GNL3: variants seen among roughly 807,000 people sequenced by gnomAD.
The protein encoded by GNL3 is G protein nucleolar 3, also known as guanine nucleotide-binding protein-like 3.
A neutral mutation model predicts 70.6 loss-of-function variants in GNL3; 77 were observed. That is an observed-to-expected ratio of 1.09 (90% CI 0.91 to 1.32). GNL3 has a LOEUF of 1.32. Ranked by LOEUF, GNL3 falls within the 40% of genes most tolerant of loss-of-function variation. The pLI, the probability that GNL3 is intolerant of heterozygous loss-of-function variation, is 0.00. For synonymous variants in GNL3, 252 were observed against 216.1 expected (o/e 1.17, Z -1.46); for missense variants, 634 against 644.0 (o/e 0.98, Z 0.17).
chr3:52,686,118 G>C lies in GNL3; in HGVS notation c.13+13G>C. 6.4e-7 allele frequency: 1 copy of C among 1,573,792 alleles called. No individual in the cohort carries two copies. The highest frequency in any genetic ancestry group is 8.7e-7 in the Non-Finnish European group (1 of 1,144,178). Reference sequence around the variant, plus strand: ...ATGAAAAGGCCTAGTAAGTGGGGTCGGGAGGCGGGCGTGGAGGGACCCACG... The same window carrying C: ...ATGAAAAGGCCTAGTAAGTGGGGTCCGGAGGCGGGCGTGGAGGGACCCACG... On this transcript the variant is annotated intron_variant, in intron 1 of 14. Transcript: ENST00000418458.
At chr3:52,689,708 C>G (rs1187360197) in intron 6 of GNL3, among the ~76,000 whole-genome samples, 2 of 152,154 alleles carry the variant, frequency 1.3e-5, no homozygotes, top group African/African-American at 4.8e-5. Context: ...CAATTGGCTG[C>G]TTGGGAGGCT....
chr3:52,686,610 G>A (rs2097313563), intron 1 of GNL3, among the ~76,000 whole-genome samples, 159 bp from the exon 2 acceptor site: 1 of 152,166 alleles, frequency 6.6e-6, no homozygotes, highest in Admixed American at 6.5e-5. Context: ...TTAATTCTCT[G>A]GGATTTGAAA....
intron 9 of GNL3, 30 bp from the exon 10 acceptor site, chr3:52,692,842 C>A: frequency 6.4e-7 from 1 of 1,572,838 alleles, no homozygotes; most frequent in Non-Finnish European, 8.7e-7. Flanking sequence ...TAGACCAATG[C>A]CCCCATCAAT....
chr3:52,686,023 A>G (rs2097307856), upstream of GNL3: 7 of 814,134 alleles, frequency 8.6e-6, no homozygotes, highest in Non-Finnish European at 1.6e-5. Flanking sequence ...GACGCTCGTC[A>G]GTGGCTTCAG....
chr3:52,686,973 T>C, intron 2 of GNL3, 146 bp downstream of exon 2: 3 of 652,592 alleles, frequency 4.6e-6, no homozygotes, highest in East Asian at 5.4e-5. Flanking sequence ...CTCTTAGGCA[T>C]CAGGAGTGCA....
chr3:52,687,695 C>A, intron 4 of GNL3, 80 bp downstream of exon 4: 1 of 794,742 alleles, frequency 1.3e-6, no homozygotes, highest in Non-Finnish European at 2.1e-6. Flanking sequence ...TGCAGTGGCA[C>A]AATCACAACT....
chr3:52,692,046 G>A lies in GNL3; in HGVS notation c.869+417G>A, dbSNP rs185173529. Among the ~76,000 whole-genome samples, 18 of 152,298 alleles carry A rather than the reference G, an allele frequency of 1.2e-4. No individual in the cohort carries two copies. In the East Asian group the frequency reaches 3.3e-3, roughly 28 times the overall value. On this transcript the variant is annotated intron_variant, in intron 9 of 14. Coordinates refer to ENST00000418458, the MANE Select transcript of GNL3 (RefSeq NM_014366.5). ...TTGGTGAAAGCAGAGATTTAAGCCA[G>A]TGCTAGAACTGATTGGAGTGGGACA... is the stretch of plus-strand genomic sequence containing the variant.
intron 10 of GNL3, 34 bp downstream of exon 10, chr3:52,693,080 C>A: frequency 6.2e-7 from 1 of 1,607,986 alleles, no homozygotes; most frequent in Non-Finnish European, 8.5e-7. Flanking sequence ...CTCCTTGGAG[C>A]CATCTTCTTT....
Position 52,694,050 on chromosome 3 carries a change from G to GC in GNL3, c.1515dup (p.Met506HisfsTer13), listed in dbSNP as rs2097330172. The GC allele has an allele frequency of 2.5e-6, 4 of 1,613,638 alleles. No homozygotes were observed. The highest frequency in any genetic ancestry group is 3.4e-6 in the Non-Finnish European group (4 of 1,179,640). On this transcript the variant is annotated frameshift_variant, in exon 14 of 15. Coordinates refer to ENST00000418458, the MANE Select transcript of GNL3 (RefSeq NM_014366.5). LOFTEE classifies it high-confidence loss of function. ...TTTGTCACACAGGAAAACAGCTCAG[G>GC]CATGTTTGCTGCAGAAGAGACAGGG...
chr3:52,687,863 T>C, intron 4 of GNL3: 1 of 590,828 alleles, frequency 1.7e-6, no homozygotes, highest in Non-Finnish European at 3.0e-6. Flanking sequence ...TCCACCCAAC[T>C]CAGCCTCCCG....
In GNL3 at chr3:52,694,193, G is replaced by A. The variant is rs372892498; in HGVS notation, c.1568G>A (p.Gly523Asp). 1.9e-6 allele frequency: 3 copies of A among 1,600,990 alleles called. No individual in the cohort carries two copies. The highest frequency in any genetic ancestry group is 1.3e-5 in the African/African-American group (1 of 74,640). The change falls in exon 15 of 15, where the codon GGT becomes GAT. Residue 523 changes from glycine (G) to aspartate (D), a missense_variant and splice_region_variant. Coordinates refer to ENST00000418458, the MANE Select transcript of GNL3 (RefSeq NM_014366.5). ...GEALSEETTA[G>D]EQSTRSFILD... ...ATCTCTTTATTTTCCTGCAATATAG[G>A]TGAACAGTCTACAAGGTCTTTTATC... is the stretch of plus-strand genomic sequence containing the variant.
chr3:52,692,764 TCTGA>T (rs747822562), intron 9 of GNL3, 104 bp from the exon 10 acceptor site: 9 of 825,934 alleles, frequency 1.1e-5, no homozygotes, highest in Admixed American at 3.4e-5. Flanking sequence ...ATAAACTGGA[TCTGA>T]CTGACTGTGC....
In GNL3 at chr3:52,689,056, T is replaced by C. The variant is rs765302344; in HGVS notation, c.409-18T>C. On this transcript the variant is annotated intron_variant, in intron 5 of 14. Coordinates refer to ENST00000418458, the MANE Select transcript of GNL3 (RefSeq NM_014366.5). ...TTTCTCCTTGATAATGTAGTTCTGG[T>C]CATTTTTTCCTTGATAGGTGATTGA... 7 of 1,608,220 alleles carry C rather than the reference T, an allele frequency of 4.4e-6. No homozygotes were observed. Among genetic ancestry groups the C allele is most frequent in the Non-Finnish European group, 6.0e-6 (7 of 1,174,838 alleles).
At chr3:52,690,406 G>T (rs2097326142) in intron 6 of GNL3, among the ~76,000 whole-genome samples, 186 bp from the exon 7 acceptor site, 1 of 152,078 alleles carries the variant, frequency 6.6e-6, no homozygotes, top group African/African-American at 2.4e-5. Context: ...GGGACTACAG[G>T]TGCCCACCAC....
intron 9 of GNL3, 64 bp downstream of exon 9, chr3:52,691,693 A>G (rs755156835): frequency 7.8e-6 from 7 of 897,118 alleles, no homozygotes; most frequent in Middle Eastern, 2.2e-4. Flanking sequence ...GGTTATCTCA[A>G]GGAAGGTGAT....
chr3:52,688,389 A>T (rs2097324259), intron 5 of GNL3, among the ~76,000 whole-genome samples, 197 bp downstream of exon 5: 1 of 152,110 alleles, frequency 6.6e-6, no homozygotes, highest in Admixed American at 6.6e-5. Flanking sequence ...ATCTTTCCTG[A>T]TCCTCTCCCT....
At position 52,688,960 on chromosome 3, in the gene GNL3, T is replaced by C. The variant is rs1167624680; in HGVS notation, c.409-114T>C. On this transcript the variant is annotated intron_variant, in intron 5 of 14. Coordinates refer to ENST00000418458, the MANE Select transcript of GNL3 (RefSeq NM_014366.5). ...GAGATCCAACTCTGAGCTCACCCTG[T>C]TGCTAAATGGATAATGCCAGTACTC... The C allele has an allele frequency of 7.3e-6, 6 of 816,694 alleles. No homozygotes were observed. The East Asian group carries it at 1.5e-4, about 20-fold the overall frequency. 50.6% of individuals were successfully genotyped at this position (816,694 alleles called of 1,614,324 possible).
intron 9 of GNL3, 54 bp from the exon 10 acceptor site, chr3:52,692,818 T>A: frequency 7.1e-7 from 1 of 1,408,600 alleles, no homozygotes; most frequent in South Asian, 1.2e-5. Flanking sequence ...ATGTTCTGTC[T>A]CTTAACCTCC....
chr3:52,687,488 T>TA lies in GNL3; in HGVS notation c.211-13dup, dbSNP rs1483710762. 2.5e-6 allele frequency: 4 copies of TA among 1,602,434 alleles called. No individual in the cohort carries two copies. The East Asian group carries it at 8.9e-5, about 36-fold the overall frequency. ...TAGTCACTGGTTCACCTATTTCCCT[T>TA]ATGGCTCTGACAGCTTGAAGAACTA... On this transcript the variant is annotated splice_polypyrimidine_tract_variant and intron_variant, in intron 3 of 14. Coordinates refer to ENST00000418458, the MANE Select transcript of GNL3 (RefSeq NM_014366.5).
Sources: gnomAD v4.1 joint callset for allele counts (sites outside exome capture counted in the v4.1 genomes callset) on GRCh38, gnomAD v4.1.1 for gene constraint, MANE v1.5 for transcripts, NCBI Gene and HGNC (gene_info 2026-07-23, HGNC 2026-07-21) for gene names.